Variants in RIMBP2 observed in about 807,000 individuals in gnomAD.
The protein encoded by RIMBP2 is RIMS binding protein 2.
RIMBP2 carries 48 observed loss-of-function variants against 118.6 expected under a neutral mutation model. The ratio of observed to expected loss-of-function variants is 0.40; its 90% confidence interval spans 0.32 to 0.51. The LOEUF (loss-of-function observed/expected upper bound fraction) is 0.51. RIMBP2 is among the 20% of genes least tolerant of loss of function. The probability of loss-of-function intolerance (pLI) is 0.41; values close to 1 mark genes in which losing one functional copy is unlikely to be tolerated. For missense variants in RIMBP2, 1,551 were observed against 1,768.3 expected, an observed-to-expected ratio of 0.88 and a Z score of 2.20; for synonymous variants, 762 against 742.9, an observed-to-expected ratio of 1.03 and a Z score of -0.42.
chr12:130,506,678 G>A lies in RIMBP2; in HGVS notation c.-34C>T, dbSNP rs897230269. 3 of 985,620 alleles carry A rather than the reference G, an allele frequency of 3.0e-6. No individual in the cohort carries two copies. The highest frequency in any genetic ancestry group is 5.2e-4 in the Middle Eastern group (1 of 1,936). The allele number at this position is 985,620 out of a possible 1,614,324, so 61.1% of individuals were successfully genotyped here. A position where few individuals can be genotyped will look rare whatever the true frequency, so the allele number is the denominator to read the frequency against. ...GGACCTGTTCTAGGTTCTCCAGCTTGGCTTGGAGCTGGTGTTTCTCCTTCA... is the reference window on the plus strand; with the variant it reads ...GGACCTGTTCTAGGTTCTCCAGCTTAGCTTGGAGCTGGTGTTTCTCCTTCA... On this transcript the variant is annotated 5_prime_UTR_variant, in exon 4 of 23. Coordinates refer to ENST00000690449, the MANE Select transcript of RIMBP2 (RefSeq NM_001393629.1).
chr12:130,417,976 C>G (rs10848099), intron 17 of RIMBP2, among the ~76,000 whole-genome samples: 81,762 of 151,890 alleles, frequency 0.54, 23,240 homozygotes, highest in African/African-American at 0.73. Flanking sequence ...GAGAGAGCAG[C>G]ATTGGGAGAA....
chr12:130,439,473 G>C (rs2077866697), intron 11 of RIMBP2, among the ~76,000 whole-genome samples: 1 of 147,500 alleles, frequency 6.8e-6, no homozygotes, highest in Non-Finnish European at 1.5e-5. Context: ...GTATGTATTT[G>C]TGTATGTGTG....
chr12:130,399,568 G>A, intron 22 of RIMBP2, 111 bp downstream of exon 22: 1 of 1,257,420 alleles, frequency 8.0e-7, no homozygotes. Flanking sequence ...AAAATTCAGG[G>A]TGTATTTACG....
At chr12:130,699,310 A>C (rs1053116184) in intron 1 of RIMBP2, among the ~76,000 whole-genome samples, 1 of 152,160 alleles carries the variant, frequency 6.6e-6, no homozygotes, top group Non-Finnish European at 1.5e-5. Context: ...TCACAATAGC[A>C]AAGACTTGGA....
At chr12:130,690,318 GA>G (rs1356521598) in intron 1 of RIMBP2, among the ~76,000 whole-genome samples, 2 of 152,176 alleles carry the variant, frequency 1.3e-5, no homozygotes, top group African/African-American at 4.8e-5. Context: ...TTGGGGCAGG[GA>G]ATCTTGCTGG....
rs1245375524 is a variant in RIMBP2 at position 130,445,243 on chromosome 12, T to C, written c.608A>G (p.Glu203Gly). The part of the protein sequence containing the change: ...YSYNPFDGPN[E>G]NPEAELPLTA... The stretch of plus-strand genomic sequence containing the variant: ...GAGGGGCAGCTCAGCTTCGGGGTTC[T>C]CGTTCGGTCCATCGAAGGGGTTGTA... Residue 203 changes from glutamate to glycine, a missense_variant, in exon 10 of 23, where the codon GAG (glutamate) becomes GGG (glycine). By Grantham distance (98) the Glu-to-Gly change is moderately conservative. Around this residue, in one of 5 missense-constraint regions of RIMBP2, gnomAD observed 6 missense variants for 20.3 expected, o/e 0.29. Transcript: ENST00000690449. 1.2e-6 allele frequency: 2 copies of C among 1,613,196 alleles called. No homozygotes were observed. The highest frequency in any genetic ancestry group is 2.7e-5 in the African/African-American group (2 of 74,882).
intron 1 of RIMBP2, among the ~76,000 whole-genome samples, chr12:130,645,280 C>T (rs553286055): frequency 1.1e-4 from 17 of 152,202 alleles, no homozygotes; most frequent in South Asian, 4.2e-4. Flanking sequence ...TTAATAGAGA[C>T]GGGTTTCACC....
chr12:130,691,768 C>A (rs2065317864), intron 1 of RIMBP2, among the ~76,000 whole-genome samples: 1 of 152,230 alleles, frequency 6.6e-6, no homozygotes, highest in Non-Finnish European at 1.5e-5. Context: ...CGGTGCAGCA[C>A]ATGGTAGGGG....
chr12:130,646,396 CACCT>C (rs2062959800), intron 1 of RIMBP2, among the ~76,000 whole-genome samples: 5 of 137,370 alleles, frequency 3.6e-5, no homozygotes, highest in Middle Eastern at 3.7e-3. Context: ...CCTCCCTCAC[CACCT>C]GCCTCTCCAC....
chr12:130,474,104 G>A (rs558708752), intron 5 of RIMBP2, among the ~76,000 whole-genome samples: 5 of 152,308 alleles, frequency 3.3e-5, no homozygotes, highest in East Asian at 1.9e-4. Context: ...CTGAAGCAAC[G>A]GAGCGCAGCC....
intron 8 of RIMBP2, among the ~76,000 whole-genome samples, 186 bp downstream of exon 8, chr12:130,451,009 C>G (rs1427400367): frequency 6.6e-6 from 1 of 151,646 alleles, no homozygotes; most frequent in Non-Finnish European, 1.5e-5. Flanking sequence ...CCTGTGTTCA[C>G]AGAGGGGCCC....
rs112608067 is a variant in RIMBP2 at position 130,518,633 on chromosome 12, T to G, written c.-216-716A>C. ...GGAGAAAACTCATTTTTAGGCTCAG[T>G]TTTAGGACTTGTCTTACTCTCTACT... On this transcript the variant is annotated intron_variant, in intron 2 of 22. Transcript: ENST00000690449. Among the ~76,000 whole-genome samples, 1,425 of 152,162 alleles carry G rather than the reference T, an allele frequency of 9.4e-3. 14 individuals carry two copies. The highest frequency in any genetic ancestry group is 0.048 in the Middle Eastern group (14 of 294).
intron 1 of RIMBP2, among the ~76,000 whole-genome samples, chr12:130,693,120 G>A (rs1311346716): frequency 6.6e-6 from 1 of 152,112 alleles, no homozygotes; most frequent in Non-Finnish European, 1.5e-5. Context: ...TGGCCCTCCA[G>A]CTGCCCCCAT....
rs1010859913 is a variant in RIMBP2, at chr12:130,688,079, G to C, written c.-352+28143C>G. The stretch of plus-strand genomic sequence containing the variant: ...CTGTGGGAAAGAGGGGCACATCACA[G>C]AAGTCACCAGAGAGCTTACAAAATG... On this transcript the variant is annotated intron_variant, in intron 1 of 22. Coordinates refer to ENST00000690449, the MANE Select transcript of RIMBP2 (RefSeq NM_001393629.1). The surrounding 1 kb of genome is among the most constrained non-coding windows in gnomAD (Gnocchi z 4.7). Among the ~76,000 whole-genome samples the C allele has an allele frequency of 6.6e-6, 1 of 152,142 alleles. No homozygotes were observed. The highest frequency in any genetic ancestry group is 1.5e-5 in the Non-Finnish European group (1 of 68,040).
chr12:130,664,589 C>G (rs2063840097), intron 1 of RIMBP2, among the ~76,000 whole-genome samples: 1 of 151,576 alleles, frequency 6.6e-6, no homozygotes, highest in African/African-American at 2.4e-5. Flanking sequence ...CTAAATATCA[C>G]TCGCCACCCA....
At chr12:130,590,371 A>G (rs2059179360) in intron 2 of RIMBP2, among the ~76,000 whole-genome samples, 1 of 152,172 alleles carries the variant, frequency 6.6e-6, no homozygotes, top group South Asian at 2.1e-4. Flanking sequence ...GGGCCACAGC[A>G]CAAAGAGGCC....
At chr12:130,655,723 G>GCA (rs377093103) in intron 1 of RIMBP2, among the ~76,000 whole-genome samples, 23 of 152,038 alleles carry the variant, frequency 1.5e-4, no homozygotes, top group Non-Finnish European at 2.8e-4. Flanking sequence ...ATACATATGT[G>GCA]CACACACACA....
intron 1 of RIMBP2, among the ~76,000 whole-genome samples, chr12:130,660,944 C>G (rs1244411702): frequency 2.6e-5 from 4 of 152,204 alleles, no homozygotes; most frequent in African/African-American, 9.6e-5. Flanking sequence ...ATTGGCCCAG[C>G]ACGATGGCTC....
chr12:130,549,158 T>TAA, intron 2 of RIMBP2, among the ~76,000 whole-genome samples: 1 of 152,294 alleles, frequency 6.6e-6, no homozygotes, highest in East Asian at 1.9e-4. Flanking sequence ...TTCAAACGTG[T>TAA]AACTCTAGGC....
Sources: allele counts gnomAD v4.1 joint callset (sites outside exome capture counted in the v4.1 genomes callset), GRCh38; gene constraint gnomAD v4.1.1; regional missense constraint gnomAD v4.1.1; non-coding constraint Gnocchi (gnomAD v3.1); transcripts MANE v1.5; gene names NCBI Gene and HGNC (gene_info 2026-07-23, HGNC 2026-07-21).